The following FILIP1 variants were observed in gnomAD, a reference collection of about 807,000 sequenced individuals.
The protein encoded by FILIP1 is filamin-A-interacting protein 1.
FILIP1 carries 61 observed loss-of-function variants against 102.1 expected under a neutral mutation model. The observed-to-expected ratio is 0.60, with a 90% CI of 0.49 to 0.74. The LOEUF is 0.74. Among genes scored for constraint, FILIP1 ranks in the 30% least tolerant of loss-of-function variants. The pLI is 0.00. For missense variants in FILIP1, 1,314 were observed against 1,441.2 expected, an observed-to-expected ratio of 0.91 and a Z score of 1.43; for synonymous variants, 491 against 526.9, an observed-to-expected ratio of 0.93 and a Z score of 0.93.
At chr6:75,354,669 C>G (rs79922884) in intron 3 of FILIP1, among the ~76,000 whole-genome samples, 187 of 151,772 alleles carry the variant, frequency 1.2e-3, no homozygotes, top group Non-Finnish European at 2.1e-3. Flanking sequence ...AGTTCAAACA[C>G]TTTTTCATTT....
intron 2 of FILIP1, among the ~76,000 whole-genome samples, chr6:75,400,083 A>G (rs553722140): frequency 1.3e-5 from 2 of 152,260 alleles, no homozygotes; most frequent in Non-Finnish European, 2.9e-5. Context: ...TGTGGAAAAA[A>G]TAGGTAAAGT....
At chr6:75,319,943 AT>A in intron 4 of FILIP1, 3 of 432,970 alleles carry the variant, frequency 6.9e-6, no homozygotes, top group Non-Finnish European at 1.2e-5. Context: ...ATATCATGAC[AT>A]TTTGCCTCTC....
In FILIP1 at chr6:75,330,058, T is replaced by C. The variant is rs369447189; in HGVS notation, c.630-14856A>G. ...GGGATGAGAGAGAAGTGGATGAGGG[T>C]TGGGTTGTACAACTGCAGAGTCAGA... On this transcript the variant is annotated intron_variant, in intron 4 of 5. Transcript: ENST00000237172. 5.9e-5 allele frequency among the ~76,000 whole-genome samples: 9 copies of C among 152,240 alleles called. No individual in the cohort carries two copies. The East Asian group carries it at 1.3e-3, about 23-fold the overall frequency.
chr6:75,381,158 A>G (rs1775894469), intron 2 of FILIP1, among the ~76,000 whole-genome samples: 1 of 152,176 alleles, frequency 6.6e-6, no homozygotes, highest in South Asian at 2.1e-4. Context: ...CTCTCTTGAG[A>G]ACAGTAGTGA....
chr6:75,341,854 A>G (rs1436953774), intron 4 of FILIP1, among the ~76,000 whole-genome samples: 5 of 152,176 alleles, frequency 3.3e-5, no homozygotes, highest in Non-Finnish European at 5.9e-5. Flanking sequence ...AAAATGTCTT[A>G]GTTTGATAAA....
At chr6:75,299,319 A>G (rs1015426868) in intron 6 of FILIP1, among the ~76,000 whole-genome samples, 2 of 152,228 alleles carry the variant, frequency 1.3e-5, no homozygotes, top group East Asian at 3.9e-4. Context: ...ATTTTGCACA[A>G]CTATCATAAT....
intron 1 of FILIP1, among the ~76,000 whole-genome samples, chr6:75,438,792 T>C (rs1406862765): frequency 2.0e-5 from 3 of 152,192 alleles, no homozygotes; most frequent in African/African-American, 4.8e-5. Context: ...CCTACTAGAA[T>C]GCAACTAGTG....
chr6:75,446,921 C>T (rs1778460340), intron 1 of FILIP1, among the ~76,000 whole-genome samples: 1 of 152,046 alleles, frequency 6.6e-6, no homozygotes, highest in South Asian at 2.1e-4. Context: ...AAGAGTCTGC[C>T]CAATCATTTA....
At chr6:75,433,285 TC>T in intron 1 of FILIP1, among the ~76,000 whole-genome samples, 1 of 152,296 alleles carries the variant, frequency 6.6e-6, no homozygotes, top group African/African-American at 2.4e-5. Context: ...TAGTTTGCAG[TC>T]CCACCAACAG....
chr6:75,340,332 G>C (rs1185586934), intron 4 of FILIP1, among the ~76,000 whole-genome samples: 1 of 151,986 alleles, frequency 6.6e-6, no homozygotes, highest in Non-Finnish European at 1.5e-5. Context: ...TGGTTCTCCT[G>C]AAATGGTAGA....
At chr6:75,337,540 A>T (rs1283685623) in intron 4 of FILIP1, among the ~76,000 whole-genome samples, 1 of 151,544 alleles carries the variant, frequency 6.6e-6, no homozygotes, top group Non-Finnish European at 1.5e-5. Flanking sequence ...TTCATCTCAC[A>T]AAACTTTTTT....
intron 1 of FILIP1, among the ~76,000 whole-genome samples, chr6:75,438,396 G>A (rs1778094018): frequency 6.6e-6 from 1 of 152,094 alleles, no homozygotes; most frequent in Non-Finnish European, 1.5e-5. Context: ...ACAGGGCTTT[G>A]ATTAGAAAGC....
At chr6:75,356,466 G>A (rs1351372954) in intron 3 of FILIP1, among the ~76,000 whole-genome samples, 1 of 150,180 alleles carries the variant, frequency 6.7e-6, no homozygotes, top group Non-Finnish European at 1.5e-5. Context: ...ATAATTTTTT[G>A]TAGTCTTTTT....
At chr6:75,450,923 C>T (rs1338104300) in intron 1 of FILIP1, among the ~76,000 whole-genome samples, 2 of 152,016 alleles carry the variant, frequency 1.3e-5, no homozygotes, top group Admixed American at 1.3e-4. Context: ...CCATTGCACT[C>T]CAGCCTGAGC....
At chr6:75,403,319 G>C (rs922588418) in intron 2 of FILIP1, among the ~76,000 whole-genome samples, 10 of 151,928 alleles carry the variant, frequency 6.6e-5, no homozygotes, top group Non-Finnish European at 1.5e-4. Flanking sequence ...TTCAAGACCA[G>C]CCTAGGCAAC....
chr6:75,399,209 TGAG>T (rs998762724), intron 2 of FILIP1: 2 of 152,178 alleles, frequency 1.3e-5, no homozygotes, highest in African/African-American at 4.8e-5. Flanking sequence ...AAGATGCACT[TGAG>T]GAGATAAAGC....
chr6:75,302,048 C>T (rs769147319), intron 6 of FILIP1, among the ~76,000 whole-genome samples: 60 of 152,098 alleles, frequency 3.9e-4, no homozygotes, highest in Non-Finnish European at 7.6e-4. Flanking sequence ...CTGGGGGAGT[C>T]GGAAAGGGTG....
At chr6:75,356,973 A>G (rs998019369) in intron 3 of FILIP1, among the ~76,000 whole-genome samples, 1 of 152,100 alleles carries the variant, frequency 6.6e-6, no homozygotes, top group Admixed American at 6.5e-5. Flanking sequence ...CCCCTTTTTC[A>G]GTCTTCCTGC....
chr6:75,389,843 C>T (rs544092017), intron 2 of FILIP1, among the ~76,000 whole-genome samples: 29 of 152,158 alleles, frequency 1.9e-4, no homozygotes, highest in African/African-American at 7.0e-4. Flanking sequence ...ATCCCCATCT[C>T]CTGAGACTCT....
Sources: gnomAD v4.1 joint callset for allele counts (sites outside exome capture counted in the v4.1 genomes callset) on GRCh38, gnomAD v4.1.1 for gene constraint, MANE v1.5 for transcripts, NCBI Gene and HGNC (gene_info 2026-07-23, HGNC 2026-07-21) for gene names.